Variants in SCN9A observed in about 807,000 individuals in gnomAD.
The protein encoded by SCN9A is sodium voltage-gated channel alpha subunit 9.
Under a neutral mutation model 187.0 loss-of-function variants are expected in SCN9A, and 131 were observed. That is an observed-to-expected ratio of 0.70 (90% CI 0.61 to 0.81). SCN9A has a LOEUF of 0.81. Among genes scored for constraint, SCN9A ranks in the 30% least tolerant of loss-of-function variants. The pLI is 0.00. For missense variants in SCN9A, 2,252 were observed against 2,396.6 expected (o/e 0.94, Z 1.26); for synonymous variants, 809 against 808.6 (o/e 1.00, Z -0.01).
In SCN9A at chr2:166,367,569, C is replaced by A. The variant is rs77143068; in HGVS notation, c.-51+8128G>T. ...CGTAAGCCACCGCGCCTGGCCCACC[C>A]TAGACATTTTATACATATTTCCCTT... On this transcript the variant is annotated intron_variant, in intron 1 of 26. Coordinates refer to ENST00000642356, the MANE Select transcript of SCN9A (RefSeq NM_001365536.1). Among the ~76,000 whole-genome samples the A allele has an allele frequency of 4.0e-3, 610 of 152,066 alleles. 17 individuals carry two copies. In the East Asian group the frequency reaches 0.08, roughly 20 times the overall value.
chr2:166,293,386 A>G lies in SCN9A; in HGVS notation c.966-14T>C. ...TCTGGACACTGACTACACACGAGAAAGAACATTATAGGTGAGAGTGTCTTC... is the reference window on the plus strand; with the variant it reads ...TCTGGACACTGACTACACACGAGAAGGAACATTATAGGTGAGAGTGTCTTC... On this transcript the variant is annotated splice_polypyrimidine_tract_variant and intron_variant, in intron 8 of 26. Transcript: ENST00000642356. 5 of 1,593,532 alleles carry G rather than the reference A, an allele frequency of 3.1e-6. No homozygotes were observed. Among genetic ancestry groups the G allele is most frequent in the Non-Finnish European group, 4.3e-6 (5 of 1,168,810 alleles).
intron 12 of SCN9A, among the ~76,000 whole-genome samples, chr2:166,282,968 T>C (rs1322632853): frequency 1.3e-5 from 2 of 152,208 alleles, no homozygotes; most frequent in African/African-American, 4.8e-5. Flanking sequence ...TGCAGTGTTT[T>C]CATATAAACC....
intron 17 of SCN9A, among the ~76,000 whole-genome samples, chr2:166,271,865 A>G (rs1041835018): frequency 6.6e-6 from 1 of 151,464 alleles, no homozygotes; most frequent in South Asian, 2.1e-4. Flanking sequence ...TCCGTTTTTT[A>G]AAAAAAAGAA....
rs114926041 is a variant in SCN9A at position 166,304,844 on chromosome 2, G to A, written c.597-515C>T. Among the ~76,000 whole-genome samples the A allele has an allele frequency of 8.8e-3, 1,344 of 152,184 alleles. 9 individuals are homozygous for A. The highest frequency in any genetic ancestry group is 0.017 in the South Asian group (80 of 4,818). On this transcript the variant is annotated intron_variant, in intron 5 of 26. Transcript: ENST00000642356. ...TAAACTTCTCTAATTAGGTAGTGGT[G>A]ATGTTGCGCAAGTTTGTCAATATAC...
At chr2:166,302,246 T>C (rs1222364599) in intron 7 of SCN9A, 1 of 143,672 alleles carries the variant, frequency 7.0e-6, no homozygotes, top group Non-Finnish European at 1.5e-5. Context: ...GAAAGTACAA[T>C]CTTGATCATA....
intron 24 of SCN9A, among the ~76,000 whole-genome samples, chr2:166,210,025 C>T (rs1485697136): frequency 6.6e-6 from 1 of 152,134 alleles, no homozygotes; most frequent in Non-Finnish European, 1.5e-5. Flanking sequence ...TATTGCGGCA[C>T]TATTCACAAT....
chr2:166,288,641 C>G lies in SCN9A; in HGVS notation c.1110G>C (p.Thr370=). 6.5e-7 allele frequency: 1 copy of G among 1,534,084 alleles called. No individual in the cohort carries two copies. The highest frequency in any genetic ancestry group is 8.8e-7 in the Non-Finnish European group (1 of 1,138,070). Residue 370 remains threonine (T), a splice_region_variant and synonymous_variant, in exon 10 of 27, where the codon ACG becomes ACC. Transcript: ENST00000642356. ...TGTAGGTTTTGCCAGCAGCACGCAG[C>G]GTCTAGGGAAAAATGGAAATTGTCA... ...QDYWENLYQQ[T]LRAAGKTYMI... is the part of the protein sequence containing the mutation.
intron 17 of SCN9A, among the ~76,000 whole-genome samples, chr2:166,270,683 G>A (rs992872650): frequency 8.0e-5 from 12 of 150,758 alleles, no homozygotes; most frequent in South Asian, 2.1e-4. Context: ...GGAGTGCAGC[G>A]GTGCGATCTT....
intron 19 of SCN9A, among the ~76,000 whole-genome samples, chr2:166,239,037 T>C (rs1028689020): frequency 2.0e-5 from 3 of 152,176 alleles, no homozygotes; most frequent in Non-Finnish European, 4.4e-5. Flanking sequence ...ACTCCTATTT[T>C]GTGTATGCTC....
In SCN9A at chr2:166,286,476, G is replaced by T. The variant is rs1697749294; in HGVS notation, c.1462C>A (p.Leu488Ile). 6.2e-7 allele frequency: 1 copy of T among 1,613,594 alleles called. No individual in the cohort carries two copies. The highest frequency in any genetic ancestry group is 1.1e-5 in the South Asian group (1 of 91,012). ...TCTCCCTTTTCCTCTCCACTGGAGA[G>T]CTTCTTTTGATTCTTTTTCTTTCTT... ...NRRKKKNQKKLSSGEEKGDAE... is the reference protein window; with the variant it reads ...NRRKKKNQKKISSGEEKGDAE... Residue 488 changes from leucine to isoleucine, a missense_variant, in exon 11 of 27, where the codon CTC becomes ATC. By Grantham distance (5) the Leu-to-Ile change is conservative. This residue lies in a region of SCN9A where 1,013 missense variants were observed against 997.4 expected (regional missense o/e 1.02). Transcript: ENST00000642356.
chr2:166,203,817 T>C (rs893984901), intron 26 of SCN9A, 138 bp downstream of exon 26: 3 of 618,240 alleles, frequency 4.9e-6, no homozygotes. Context: ...TTTTGCTTTT[T>C]AGGATTTTTT....
chr2:166,313,874 C>A (rs756189754), intron 1 of SCN9A, among the ~76,000 whole-genome samples: 2 of 152,116 alleles, frequency 1.3e-5, no homozygotes, highest in Admixed American at 6.6e-5. Context: ...ATGCGCAATT[C>A]TTCCTTTACT....
intron 24 of SCN9A, among the ~76,000 whole-genome samples, chr2:166,207,357 C>T (rs1362165805): frequency 6.6e-6 from 1 of 151,974 alleles, no homozygotes; most frequent in Non-Finnish European, 1.5e-5. Context: ...GGAAGCTTCC[C>T]ATTATATTGA....
intron 24 of SCN9A, among the ~76,000 whole-genome samples, chr2:166,214,849 C>A (rs1403815119): frequency 6.6e-6 from 1 of 151,716 alleles, no homozygotes; most frequent in Non-Finnish European, 1.5e-5. Flanking sequence ...AAGGTCTCTA[C>A]CACCAAGAAC....
At chr2:166,322,182 CATTTT>C (rs903159435) in intron 1 of SCN9A, among the ~76,000 whole-genome samples, 1 of 152,044 alleles carries the variant, frequency 6.6e-6, no homozygotes, top group Non-Finnish European at 1.5e-5. Context: ...AAAAAAATTT[CATTTT>C]ATTTGAGTTT....
intron 18 of SCN9A, among the ~76,000 whole-genome samples, chr2:166,247,917 G>A (rs940443188): frequency 6.6e-6 from 1 of 152,020 alleles, no homozygotes; most frequent in Non-Finnish European, 1.5e-5. Flanking sequence ...AAAGAACAGG[G>A]CAAGATATAC....
intron 17 of SCN9A, among the ~76,000 whole-genome samples, chr2:166,269,507 G>A (rs1013847227): frequency 1.3e-5 from 2 of 151,996 alleles, no homozygotes; most frequent in Admixed American, 1.3e-4. Flanking sequence ...ACAAGCCTAG[G>A]ACTCTTGACA....
At chr2:166,266,166 G>A (rs1301624493) in intron 17 of SCN9A, among the ~76,000 whole-genome samples, 1 of 147,844 alleles carries the variant, frequency 6.8e-6, no homozygotes, top group Non-Finnish European at 1.5e-5. Flanking sequence ...CTTTCCCCCT[G>A]TTTTTTTTCT....
At chr2:166,295,276 G>A (rs12692793) in intron 7 of SCN9A, among the ~76,000 whole-genome samples, 62,524 of 152,088 alleles carry the variant, frequency 0.41, 13,078 homozygotes, top group African/African-American at 0.49. Flanking sequence ...GGATCATGTC[G>A]GAATTTGCAT....
Sources: allele counts gnomAD v4.1 joint callset (sites outside exome capture counted in the v4.1 genomes callset), GRCh38; gene constraint gnomAD v4.1.1; regional missense constraint gnomAD v4.1.1; transcripts MANE v1.5; gene names NCBI Gene and HGNC (gene_info 2026-07-23, HGNC 2026-07-21).